PCDH9: variants seen among roughly 807,000 people sequenced by gnomAD.
PCDH9 encodes the protein protocadherin 9.
A neutral mutation model predicts 70.6 loss-of-function variants in PCDH9; 24 were observed. That is an observed-to-expected ratio of 0.34 (90% CI 0.25 to 0.48). The LOEUF (loss-of-function observed/expected upper bound fraction) is 0.48, where lower values mean the gene tolerates loss of function less well. Among genes scored for constraint, PCDH9 ranks in the 20% least tolerant of loss-of-function variants. The pLI is 0.99. For synonymous variants in PCDH9, 562 were observed against 558.5 expected, an observed-to-expected ratio of 1.01 and a Z score of -0.09; for missense variants, 1,281 against 1,503.6, an observed-to-expected ratio of 0.85 and a Z score of 2.45.
chr13:66,658,752 T>G, intron 3 of PCDH9, among the ~76,000 whole-genome samples: 1 of 152,298 alleles, frequency 6.6e-6, no homozygotes, highest in East Asian at 1.9e-4. Context: ...TGATGATACT[T>G]TGTACTTTGC....
chr13:67,156,718 T>C (rs774222991), intron 2 of PCDH9, among the ~76,000 whole-genome samples: 6 of 152,154 alleles, frequency 3.9e-5, no homozygotes, highest in Non-Finnish European at 7.3e-5. Context: ...GAGGGTCTAA[T>C]TGAGCTGGTT....
intron 4 of PCDH9, among the ~76,000 whole-genome samples, chr13:66,539,840 T>A (rs1405140307): frequency 6.7e-6 from 1 of 149,982 alleles, no homozygotes; most frequent in Non-Finnish European, 1.5e-5. Flanking sequence ...ATTTTCCTAT[T>A]TTTCTTTATT....
intron 2 of PCDH9, among the ~76,000 whole-genome samples, chr13:67,050,727 T>A (rs9540981): frequency 0.22 from 32,968 of 152,058 alleles, 4,074 homozygotes; most frequent in East Asian, 0.56. Flanking sequence ...ACTGGCAAGT[T>A]GTCTTCTTTA....
chr13:67,022,833 C>G (rs2084705481), intron 2 of PCDH9, among the ~76,000 whole-genome samples: 1 of 152,150 alleles, frequency 6.6e-6, no homozygotes, highest in Non-Finnish European at 1.5e-5. Context: ...GTTCAGACAT[C>G]AAAGGCTCCT....
chr13:67,007,919 C>T (rs1309651671), intron 2 of PCDH9, among the ~76,000 whole-genome samples: 3 of 152,064 alleles, frequency 2.0e-5, no homozygotes, highest in African/African-American at 7.2e-5. Context: ...ACAACTGGTA[C>T]ATGGAAAATG....
At chr13:66,818,181 T>C (rs910989620) in intron 3 of PCDH9, among the ~76,000 whole-genome samples, 1 of 152,200 alleles carries the variant, frequency 6.6e-6, no homozygotes. Context: ...AATTTAAGTG[T>C]ATAATTACGT....
At chr13:67,139,860 A>T (rs773801796) in intron 2 of PCDH9, among the ~76,000 whole-genome samples, 7 of 152,238 alleles carry the variant, frequency 4.6e-5, no homozygotes, top group Non-Finnish European at 1.0e-4. Context: ...AATGATAAAC[A>T]GTTAATAATT....
intron 2 of PCDH9, among the ~76,000 whole-genome samples, chr13:67,153,677 G>A (rs2087720622): frequency 6.6e-6 from 1 of 152,234 alleles, no homozygotes; most frequent in Non-Finnish European, 1.5e-5. Context: ...ATATACTTAA[G>A]CAAGTTTCTA....
intron 2 of PCDH9, among the ~76,000 whole-genome samples, chr13:66,972,470 T>C (rs985821135): frequency 6.6e-6 from 1 of 151,948 alleles, no homozygotes; most frequent in Non-Finnish European, 1.5e-5. Context: ...TAGTATTATA[T>C]CCTGAAGAAG....
chr13:66,705,483 C>T (rs2078699595), intron 3 of PCDH9, among the ~76,000 whole-genome samples: 1 of 152,136 alleles, frequency 6.6e-6, no homozygotes, highest in African/African-American at 2.4e-5. Flanking sequence ...GTCCAATCCC[C>T]CATCACACCT....
chr13:66,871,420 T>C (rs2081682708), intron 3 of PCDH9, among the ~76,000 whole-genome samples: 2 of 118,120 alleles, frequency 1.7e-5, no homozygotes, highest in Admixed American at 1.7e-4. Context: ...AAATAAAAAA[T>C]AAATAAAATT....
intron 2 of PCDH9, among the ~76,000 whole-genome samples, chr13:67,065,054 G>C (rs9599180): frequency 0.15 from 22,041 of 151,996 alleles, 1,996 homozygotes; most frequent in Middle Eastern, 0.21. Context: ...AAACTGTCTT[G>C]GGGGAATTAT....
chr13:66,555,847 A>T (rs555682379), intron 4 of PCDH9, among the ~76,000 whole-genome samples: 1 of 150,324 alleles, frequency 6.7e-6, no homozygotes, highest in Non-Finnish European at 1.5e-5. Context: ...ATGAAATTTT[A>T]AAAAACTCTA....
chr13:66,714,427 G>A (rs2078842287), intron 3 of PCDH9, among the ~76,000 whole-genome samples: 1 of 150,390 alleles, frequency 6.6e-6, no homozygotes, highest in Non-Finnish European at 1.5e-5. Context: ...TCGTGCCACT[G>A]CACTCCAGCC....
chr13:66,511,404 T>G (rs1483106947), intron 4 of PCDH9, among the ~76,000 whole-genome samples: 2 of 152,070 alleles, frequency 1.3e-5, no homozygotes, highest in Non-Finnish European at 2.9e-5. Flanking sequence ...AAATGTAGAT[T>G]AAAAAAATCA....
chr13:66,882,971 T>C (rs918435987), intron 3 of PCDH9, among the ~76,000 whole-genome samples: 1 of 152,230 alleles, frequency 6.6e-6, no homozygotes, highest in East Asian at 1.9e-4. Context: ...AGAATGACTT[T>C]CAAAGTCTTT....
At chr13:66,374,965 A>C (rs12584011) in intron 4 of PCDH9, among the ~76,000 whole-genome samples, 4,524 of 152,144 alleles carry the variant, frequency 0.03, 182 homozygotes, top group East Asian at 0.19. Context: ...AAGGAACTCA[A>C]TCAGTTGACA....
chr13:66,315,705 T>C (rs1354142002), intron 4 of PCDH9, among the ~76,000 whole-genome samples: 2 of 152,176 alleles, frequency 1.3e-5, no homozygotes, highest in Non-Finnish European at 1.5e-5. Flanking sequence ...GGTCTCGAAC[T>C]CCCGACCTCA....
At chr13:66,956,834 C>T (rs1330995205) in intron 2 of PCDH9, among the ~76,000 whole-genome samples, 3 of 152,062 alleles carry the variant, frequency 2.0e-5, no homozygotes, top group Non-Finnish European at 2.9e-5. Flanking sequence ...GTTGCTGTTT[C>T]GCACTCCACC....
Sources: allele counts gnomAD v4.1 joint callset (sites outside exome capture counted in the v4.1 genomes callset), GRCh38; gene constraint gnomAD v4.1.1; transcripts MANE v1.5; gene names NCBI Gene and HGNC (gene_info 2026-07-23, HGNC 2026-07-21).